Variants in SIK2 observed in about 807,000 individuals in gnomAD.
SIK2 encodes the protein salt inducible kinase 2.
SIK2 carries 29 observed loss-of-function variants against 103.2 expected under a neutral mutation model. The ratio of observed to expected loss-of-function variants is 0.28; its 90% confidence interval spans 0.21 to 0.38. SIK2 has a LOEUF of 0.38. SIK2 is among the 10% of genes least tolerant of loss of function. SIK2 has a pLI of 1.00. For missense variants in SIK2, 879 were observed against 1,171.0 expected (o/e 0.75, Z 3.64); for synonymous variants, 412 against 446.1 (o/e 0.92, Z 0.96).
intron 1 of SIK2, 125 bp from the exon 2 acceptor site, chr11:111,616,118 T>G: frequency 1.6e-6 from 1 of 618,510 alleles, no homozygotes; most frequent in Middle Eastern, 4.3e-4. Flanking sequence ...ACATTGAATT[T>G]AAACTGCTAT....
chr11:111,704,953 G>C (rs745904118), intron 7 of SIK2, 34 bp from the exon 8 acceptor site: 3 of 1,490,662 alleles, frequency 2.0e-6, no homozygotes. Context: ...GGTCTTTACA[G>C]TTCTTTGCCT....
At chr11:111,654,074 T>C (rs1942361063) in intron 3 of SIK2, among the ~76,000 whole-genome samples, 1 of 152,234 alleles carries the variant, frequency 6.6e-6, no homozygotes, top group Non-Finnish European at 1.5e-5. Context: ...GAAAACATGA[T>C]TGTAATAAAG....
chr11:111,691,633 T>C (rs1703648576), intron 4 of SIK2, among the ~76,000 whole-genome samples: 1 of 152,198 alleles, frequency 6.6e-6, no homozygotes, highest in East Asian at 1.9e-4. Context: ...TGGTTGTACA[T>C]TTAGTGTCCC....
intron 1 of SIK2, among the ~76,000 whole-genome samples, chr11:111,605,789 A>G (rs184835084): frequency 1.4e-4 from 21 of 152,368 alleles, no homozygotes; most frequent in African/African-American, 4.8e-4. Flanking sequence ...ATAGTGGACA[A>G]AAGAGATCTT....
At chr11:111,663,449 C>T (rs183820199) in intron 3 of SIK2, among the ~76,000 whole-genome samples, 35 of 151,920 alleles carry the variant, frequency 2.3e-4, no homozygotes, top group African/African-American at 8.0e-4. Context: ...TGCAGGGAGG[C>T]GTGGTGAGGC....
At chr11:111,607,291 C>T (rs1034905977) in intron 1 of SIK2, among the ~76,000 whole-genome samples, 52 of 152,116 alleles carry the variant, frequency 3.4e-4, no homozygotes, top group African/African-American at 1.2e-3. Flanking sequence ...TTTCCATGTG[C>T]ATTTTGGGGA....
At chr11:111,683,088 T>G (rs2135889382) in intron 3 of SIK2, 1 of 152,370 alleles carries the variant, frequency 6.6e-6, no homozygotes, top group Middle Eastern at 3.4e-3. Context: ...AAAACTGTAT[T>G]TATTCATCAA....
At position 111,661,474 on chromosome 11, in the gene SIK2, T is replaced by C. The variant is rs575982889; in HGVS notation, c.317-26527T>C. Among the ~76,000 whole-genome samples the C allele has an allele frequency of 8.5e-5, 13 of 152,346 alleles. No homozygotes were observed. The South Asian group carries it at 2.7e-3, about 32-fold the overall frequency. ...CTATAAGCCAATATTTCCTACATGT[T>C]CTACAGAAGCCAGTCCCTGACCAGC... On this transcript the variant is annotated intron_variant, in intron 3 of 14. Transcript: ENST00000304987.
intron 3 of SIK2, among the ~76,000 whole-genome samples, chr11:111,640,859 C>T (rs1281507688): frequency 2.0e-5 from 3 of 150,196 alleles, no homozygotes; most frequent in African/African-American, 7.3e-5. Flanking sequence ...CTCAGCCTTC[C>T]GAGTAGCTGG....
intron 3 of SIK2, among the ~76,000 whole-genome samples, chr11:111,649,617 A>G (rs1472792178): frequency 6.6e-6 from 1 of 152,104 alleles, no homozygotes; most frequent in African/African-American, 2.4e-5. Context: ...CTAACAAGGA[A>G]TGAACATTCA....
At chr11:111,610,917 C>CTGAT (rs1438523605) in intron 1 of SIK2, among the ~76,000 whole-genome samples, 1 of 152,278 alleles carries the variant, frequency 6.6e-6, no homozygotes, top group East Asian at 1.9e-4. Flanking sequence ...TGAGACTGCA[C>CTGAT]TGATATCTCA....
chr11:111,683,363 AG>A (rs1942802139), intron 3 of SIK2: 1 of 152,262 alleles, frequency 6.6e-6, no homozygotes, highest in Non-Finnish European at 1.5e-5. Flanking sequence ...TACACACATA[AG>A]CAGTTAGTAT....
intron 3 of SIK2, among the ~76,000 whole-genome samples, chr11:111,685,363 C>T (rs1305443146): frequency 6.6e-6 from 1 of 152,200 alleles, no homozygotes; most frequent in Non-Finnish European, 1.5e-5. Context: ...GAGGACCCCT[C>T]TTTTAAAGTA....
At chr11:111,650,925 G>C (rs1302912904) in intron 3 of SIK2, among the ~76,000 whole-genome samples, 2 of 151,952 alleles carry the variant, frequency 1.3e-5, no homozygotes, top group Non-Finnish European at 2.9e-5. Flanking sequence ...GTTGAATTTT[G>C]GCATAGAGGA....
intron 8 of SIK2, among the ~76,000 whole-genome samples, chr11:111,708,400 A>T (rs902338898): frequency 1.3e-5 from 2 of 152,168 alleles, no homozygotes; most frequent in Non-Finnish European, 2.9e-5. Context: ...AAACATAAAA[A>T]AAAATAAATA....
At chr11:111,611,735 G>A (rs1339948661) in intron 1 of SIK2, among the ~76,000 whole-genome samples, 2 of 152,062 alleles carry the variant, frequency 1.3e-5, no homozygotes, top group African/African-American at 2.4e-5. Context: ...TTAGAGAGTT[G>A]AATAGATGAA....
intron 3 of SIK2, among the ~76,000 whole-genome samples, chr11:111,633,999 T>C (rs1425077080): frequency 6.6e-6 from 1 of 152,222 alleles, no homozygotes; most frequent in Non-Finnish European, 1.5e-5. Flanking sequence ...TGTGGTCATG[T>C]GCAGTAAATG....
chr11:111,658,203 GC>G (rs1942420068), intron 3 of SIK2, among the ~76,000 whole-genome samples: 3 of 151,440 alleles, frequency 2.0e-5, no homozygotes, highest in African/African-American at 7.3e-5. Context: ...TCGGCTCACT[GC>G]AACCTCCGCC....
Position 111,703,408 on chromosome 11 carries a change from G to A in SIK2, c.933G>A (p.Gln311=). 1 of 1,613,770 alleles carries A rather than the reference G, an allele frequency of 6.2e-7. No homozygotes were observed. The highest frequency in any genetic ancestry group is 8.5e-7 in the Non-Finnish European group (1 of 1,179,858). ...TGATGCACAGCCTTGGAATAGATCA[G>A]CAGAAAACCATTGAGGTAAAGTGAT... is the stretch of plus-strand genomic sequence containing the variant. ...LRLMHSLGID[Q]QKTIESLQNK... is the part of the protein sequence containing the mutation. The change falls in exon 7 of 15, where the codon CAG becomes CAA. Residue 311 remains glutamine, a synonymous_variant. Coordinates refer to ENST00000304987, the MANE Select transcript of SIK2 (RefSeq NM_015191.3).
Sources: allele counts gnomAD v4.1 joint callset (sites outside exome capture counted in the v4.1 genomes callset), GRCh38; gene constraint gnomAD v4.1.1; transcripts MANE v1.5; gene names NCBI Gene and HGNC (gene_info 2026-07-23, HGNC 2026-07-21).